DMD: variants seen among roughly 807,000 people sequenced by gnomAD.
DMD encodes the protein dystrophin.
DMD carries 63 observed loss-of-function variants against 330.1 expected under a neutral mutation model. That is an observed-to-expected ratio of 0.19 (90% CI 0.16 to 0.24). DMD has a LOEUF of 0.24. DMD is among the 10% of genes least tolerant of loss of function. DMD has a pLI of 1.00. For missense variants in DMD, 3,344 were observed against 2,684.1 expected, an observed-to-expected ratio of 1.25 and a Z score of -5.43; for synonymous variants, 1,223 against 959.8, an observed-to-expected ratio of 1.27 and a Z score of -5.07.
At chrX:31,367,903 T>C (rs962802857) in intron 60 of DMD, among the ~76,000 whole-genome samples, 1 of 111,936 alleles carries the variant, frequency 8.9e-6, no homozygotes, top group Non-Finnish European at 1.9e-5. Context: ...ATTCAACAAA[T>C]AAACAGGTAT....
chrX:32,358,861 T>C (rs1216659389), intron 37 of DMD, among the ~76,000 whole-genome samples: 1 of 111,989 alleles, frequency 8.9e-6, no homozygotes, highest in Admixed American at 9.5e-5. Context: ...TATTAATTAT[T>C]TTTAACCATT....
At chrX:33,082,060 C>T (rs1569553209) in intron 1 of DMD, among the ~76,000 whole-genome samples, 1 of 106,814 alleles carries the variant, frequency 9.4e-6, no homozygotes, top group African/African-American at 3.4e-5. Context: ...CTCACGTGTG[C>T]GTTAAGAGTG....
intron 16 of DMD, among the ~76,000 whole-genome samples, chrX:32,558,131 C>T (rs918004012): frequency 1.8e-5 from 2 of 110,908 alleles, no homozygotes; most frequent in Non-Finnish European, 3.8e-5. Flanking sequence ...AACTGTCTGT[C>T]CAATTTAATG....
chrX:31,130,347 A>T (rs576670739), intron 77 of DMD, among the ~76,000 whole-genome samples: 2 of 112,120 alleles, frequency 1.8e-5, no homozygotes, highest in Admixed American at 1.9e-4. Flanking sequence ...AGTAAAGTAG[A>T]TAATGACTTA....
intron 1 of DMD, among the ~76,000 whole-genome samples, chrX:33,269,966 GTA>G (rs201044748): frequency 1.8e-5 from 2 of 109,015 alleles, no homozygotes; most frequent in African/African-American, 6.7e-5. Flanking sequence ...TTATATATAT[GTA>G]TATATATATA....
At chrX:32,361,733 A>T (rs2097835846) in intron 37 of DMD, among the ~76,000 whole-genome samples, 1 of 111,861 alleles carries the variant, frequency 8.9e-6, no homozygotes, top group South Asian at 3.7e-4. Flanking sequence ...GCTTATATCT[A>T]TCAAAATATT....
At chrX:32,626,499 G>T (rs2058353819) in intron 11 of DMD, among the ~76,000 whole-genome samples, 2 of 104,700 alleles carry the variant, frequency 1.9e-5, no homozygotes, top group African/African-American at 4.1e-5. Flanking sequence ...CAAAACGATG[G>T]CTCAAAAATT....
chrX:32,057,943 C>T (rs1405396580), intron 44 of DMD, among the ~76,000 whole-genome samples: 1 of 110,901 alleles, frequency 9.0e-6, no homozygotes, highest in Non-Finnish European at 1.9e-5. Flanking sequence ...CTAGCATCAC[C>T]TTCAATAGGG....
intron 44 of DMD, among the ~76,000 whole-genome samples, chrX:32,186,150 T>C (rs2096945636): frequency 1.8e-5 from 2 of 110,782 alleles, no homozygotes; most frequent in South Asian, 7.6e-4. Context: ...AAAGGTGAAA[T>C]CTGACACATC....
intron 56 of DMD, 134 bp from the exon 57 acceptor site, chrX:31,497,078 C>A (rs924000743): frequency 5.6e-5 from 44 of 785,877 alleles, no homozygotes; most frequent in Non-Finnish European, 5.6e-6. Context: ...TGGCTACTTA[C>A]TTTTGAGAGC....
intron 47 of DMD, among the ~76,000 whole-genome samples, chrX:31,886,573 C>G (rs1370588131): frequency 8.9e-6 from 1 of 111,798 alleles, no homozygotes; most frequent in African/African-American, 3.2e-5. Flanking sequence ...TAGGAAAATT[C>G]AAACAGGGAG....
chrX:31,807,115 G>T (rs993571014), intron 50 of DMD, among the ~76,000 whole-genome samples: 43 of 111,280 alleles, frequency 3.9e-4, no homozygotes, highest in African/African-American at 1.4e-3. Context: ...CTATGTTTCT[G>T]GTTTGTGTGA....
At chrX:31,216,833 C>T (rs753197832) in intron 64 of DMD, among the ~76,000 whole-genome samples, 3 of 111,553 alleles carry the variant, frequency 2.7e-5, no homozygotes, top group South Asian at 3.8e-4. Context: ...ATGGTGAGGG[C>T]GAGTCCAGAA....
At chrX:33,332,232 C>T (rs966937199) in intron 1 of DMD, among the ~76,000 whole-genome samples, 1 of 111,174 alleles carries the variant, frequency 9.0e-6, no homozygotes, top group Non-Finnish European at 1.9e-5. Flanking sequence ...AGAAAATAAA[C>T]CATAAAAAGA....
intron 17 of DMD, among the ~76,000 whole-genome samples, chrX:32,537,769 G>C (rs1352736158): frequency 8.9e-6 from 1 of 112,152 alleles, no homozygotes; most frequent in Non-Finnish European, 1.9e-5. Context: ...ATAAGTATGA[G>C]TACCATTTTC....
chrX:32,161,539 T>C (rs958521622), intron 44 of DMD, among the ~76,000 whole-genome samples: 3 of 111,966 alleles, frequency 2.7e-5, no homozygotes, highest in Non-Finnish European at 5.6e-5. Flanking sequence ...GAGGATTAAA[T>C]ACAAGAAAAT....
At chrX:31,251,037 G>A (rs2049302275) in intron 63 of DMD, among the ~76,000 whole-genome samples, 1 of 108,716 alleles carries the variant, frequency 9.2e-6, no homozygotes, top group Non-Finnish European at 1.9e-5. Flanking sequence ...AGCTAAAATC[G>A]CACCACTGCA....
At chrX:31,603,873 C>A (rs1447392349) in intron 55 of DMD, among the ~76,000 whole-genome samples, 1 of 111,631 alleles carries the variant, frequency 9.0e-6, no homozygotes, top group Non-Finnish European at 1.9e-5. Flanking sequence ...CCACGCCAAG[C>A]AGTTAACACT....
chrX:32,754,121 C>T (rs2071178953), intron 7 of DMD, among the ~76,000 whole-genome samples: 1 of 111,670 alleles, frequency 9.0e-6, no homozygotes, highest in African/African-American at 3.3e-5. Flanking sequence ...TATAATAAAA[C>T]AATATTTAGA....
Sources: gnomAD v4.1 joint callset for allele counts (sites outside exome capture counted in the v4.1 genomes callset) on GRCh38, gnomAD v4.1.1 for gene constraint, MANE v1.5 for transcripts, NCBI Gene and HGNC (gene_info 2026-07-23, HGNC 2026-07-21) for gene names.